MACROH2A1: variants seen among roughly 807,000 people sequenced by gnomAD.
MACROH2A1 encodes the protein macroH2A.1 histone.
A neutral mutation model predicts 31.6 loss-of-function variants in MACROH2A1; 2 were observed. The observed-to-expected ratio is 0.06, with a 90% CI of 0.03 to 0.20. The LOEUF (loss-of-function observed/expected upper bound fraction) is 0.20. Among genes scored for constraint, MACROH2A1 ranks in the 10% least tolerant of loss-of-function variants. The pLI, the probability that MACROH2A1 is intolerant of heterozygous loss-of-function variation, is 1.00. For missense variants in MACROH2A1, 230 were observed against 474.0 expected (o/e 0.49, Z 4.78); for synonymous variants, 169 against 189.6 (o/e 0.89, Z 0.89).
chr5:135,365,214 G>A (rs1733416477), intron 4 of MACROH2A1, among the ~76,000 whole-genome samples: 1 of 152,158 alleles, frequency 6.6e-6, no homozygotes, highest in Non-Finnish European at 1.5e-5. Context: ...GGGTCCCCAG[G>A]CTTCCCTCAC....
chr5:135,347,192 C>T (rs1332926720), intron 6 of MACROH2A1: 1 of 152,174 alleles, frequency 6.6e-6, no homozygotes, highest in East Asian at 1.9e-4. Flanking sequence ...CCTGCGATGA[C>T]CAGGGTTAAT....
chr5:135,359,159 C>G, intron 5 of MACROH2A1: 2 of 985,280 alleles, frequency 2.0e-6, no homozygotes, highest in Non-Finnish European at 2.4e-6. Context: ...CAGGAGGTAA[C>G]AAGAACATAG....
intron 8 of MACROH2A1, among the ~76,000 whole-genome samples, chr5:135,341,104 T>TTGCCTCC (rs1436911881): frequency 1.3e-5 from 2 of 152,262 alleles, no homozygotes; most frequent in Non-Finnish European, 2.9e-5. Flanking sequence ...AAGTTTCCTA[T>TTGCCTCC]TGCCTCCCTC....
intron 5 of MACROH2A1, chr5:135,359,960 A>G (rs1280297640): frequency 4.2e-6 from 4 of 945,788 alleles, no homozygotes; most frequent in African/African-American, 3.5e-5. Flanking sequence ...TATATTGCCC[A>G]TGGTTAAAAC....
Position 135,369,374 on chromosome 5 carries a change from C to T in MACROH2A1, c.477+32G>A, listed in dbSNP as rs1479905633. 6.4e-7 allele frequency: 1 copy of T among 1,573,696 alleles called. No individual in the cohort carries two copies. The highest frequency in any genetic ancestry group is 1.1e-5 in the South Asian group (1 of 90,284). On this transcript the variant is annotated intron_variant, in intron 4 of 8. Coordinates refer to ENST00000511689, the MANE Select transcript of MACROH2A1 (RefSeq NM_138610.3). This position sits in a 1 kb window ranked among gnomAD's most constrained non-coding sequence, Gnocchi z 4.3. ...CCTGTTTATCCGTACCCCATCCTAT[C>T]CCACTTCATACATTCTGGCCAAATC...
chr5:135,360,806 T>C, intron 4 of MACROH2A1, 199 bp from the exon 5 acceptor site: 1 of 694,070 alleles, frequency 1.4e-6, no homozygotes, highest in Non-Finnish European at 2.6e-6. Context: ...AGTTATATGT[T>C]AATCACTTTA....
chr5:135,382,527 T>C (rs184337916), intron 2 of MACROH2A1, among the ~76,000 whole-genome samples: 1 of 152,280 alleles, frequency 6.6e-6, no homozygotes, highest in Admixed American at 6.5e-5. Context: ...AAATGTAGAA[T>C]GCAAACCCAT....
At chr5:135,366,134 C>G (rs1423498071) in intron 4 of MACROH2A1, among the ~76,000 whole-genome samples, 1 of 152,194 alleles carries the variant, frequency 6.6e-6, no homozygotes, top group Non-Finnish European at 1.5e-5. Flanking sequence ...TGCCATGATT[C>G]TAAGTTTCCT....
At chr5:135,340,471 G>A (rs1759632683) in intron 8 of MACROH2A1, among the ~76,000 whole-genome samples, 1 of 152,202 alleles carries the variant, frequency 6.6e-6, no homozygotes. Context: ...TCTGGAGAGG[G>A]GTCACCCCTA....
intron 1 of MACROH2A1, among the ~76,000 whole-genome samples, chr5:135,393,525 C>T (rs1408693639): frequency 6.6e-6 from 1 of 152,220 alleles, no homozygotes; most frequent in Non-Finnish European, 1.5e-5. Context: ...AACAGACAGC[C>T]CTACATCATA....
intron 8 of MACROH2A1, among the ~76,000 whole-genome samples, chr5:135,341,277 T>C (rs1759804525): frequency 6.6e-6 from 1 of 152,026 alleles, no homozygotes; most frequent in Admixed American, 6.5e-5. Flanking sequence ...TCACACAGGA[T>C]AGGAGAGCTG....
At chr5:135,341,575 G>A (rs1030729530) in intron 8 of MACROH2A1, among the ~76,000 whole-genome samples, 24 of 152,196 alleles carry the variant, frequency 1.6e-4, no homozygotes, top group Non-Finnish European at 8.8e-5. Flanking sequence ...CCTGGGGAAC[G>A]GTGGCAGTGC....
intron 2 of MACROH2A1, among the ~76,000 whole-genome samples, chr5:135,374,288 T>A (rs1411142644): frequency 6.6e-6 from 1 of 152,164 alleles, no homozygotes; most frequent in Non-Finnish European, 1.5e-5. Context: ...ACGGTTCCCA[T>A]CTGCTCTCCA....
At chr5:135,379,093 C>T (rs1016040941) in intron 2 of MACROH2A1, among the ~76,000 whole-genome samples, 17 of 152,166 alleles carry the variant, frequency 1.1e-4, no homozygotes, top group African/African-American at 3.6e-4. Context: ...ATCAGAATAT[C>T]GATGGCAAGG....
intron 1 of MACROH2A1, among the ~76,000 whole-genome samples, chr5:135,391,268 T>C (rs1767199292): frequency 6.6e-6 from 1 of 152,232 alleles, no homozygotes; most frequent in Non-Finnish European, 1.5e-5. Flanking sequence ...GACTGAGCTT[T>C]TAAATCGGAA....
At chr5:135,362,952 A>G (rs1454903153) in intron 4 of MACROH2A1, 1 of 152,246 alleles carries the variant, frequency 6.6e-6, no homozygotes, top group Non-Finnish European at 1.5e-5. Flanking sequence ...AAACAGTCAC[A>G]GGACATAAAA....
At chr5:135,337,628 A>T (rs1758992706) in intron 8 of MACROH2A1, among the ~76,000 whole-genome samples, 1 of 152,260 alleles carries the variant, frequency 6.6e-6, no homozygotes, top group Non-Finnish European at 1.5e-5. Flanking sequence ...CAACAGTTTG[A>T]TTCAGCAGGT....
At chr5:135,387,270 A>G (rs2149950295) in intron 2 of MACROH2A1, among the ~76,000 whole-genome samples, 1 of 152,346 alleles carries the variant, frequency 6.6e-6, no homozygotes, top group South Asian at 2.1e-4. Context: ...CCTGCCACCT[A>G]TAAGAGTCTT....
chr5:135,376,561 C>T (rs1764898140), intron 2 of MACROH2A1, among the ~76,000 whole-genome samples: 3 of 152,148 alleles, frequency 2.0e-5, no homozygotes, highest in South Asian at 2.1e-4. Flanking sequence ...TTCAGCTGCC[C>T]GCTCTGTCTG....
Sources: gnomAD v4.1 joint callset for allele counts (sites outside exome capture counted in the v4.1 genomes callset) on GRCh38, gnomAD v4.1.1 for gene constraint, Gnocchi (gnomAD v3.1) non-coding constraint, MANE v1.5 for transcripts, NCBI Gene and HGNC (gene_info 2026-07-23, HGNC 2026-07-21) for gene names.